The following RASSF3 variants were observed in gnomAD, a reference collection of about 807,000 sequenced individuals.
RASSF3 encodes ras association domain-containing protein 3.
In RASSF3, 19 loss-of-function variants were observed where a neutral mutation model predicts 19.9. The ratio of observed to expected loss-of-function variants is 0.96; its 90% CI spans 0.67 to 1.40. The LOEUF (loss-of-function observed/expected upper bound fraction) is 1.40. Ranked by LOEUF, RASSF3 falls within the 40% of genes most tolerant of loss-of-function variation. The pLI, the probability that RASSF3 is intolerant of heterozygous loss-of-function variation, is 0.00. For missense variants in RASSF3, 306 were observed against 289.8 expected (o/e 1.06, Z -0.41); for synonymous variants, 110 against 104.2 (o/e 1.06, Z -0.34).
intron 1 of RASSF3, chr12:64,541,480 G>C: frequency 2.5e-6 from 1 of 396,892 alleles, no homozygotes; most frequent in Non-Finnish European, 4.4e-6. Flanking sequence ...GTTGAATGCT[G>C]GCTTTTTGAG....
intron 2 of RASSF3, among the ~76,000 whole-genome samples, chr12:64,547,379 A>G (rs1488724149): frequency 1.3e-5 from 2 of 152,064 alleles, no homozygotes; most frequent in Admixed American, 1.3e-4. Context: ...CATCCTGGCC[A>G]ACATAATGAA....
At chr12:64,535,691 T>A (rs1868809634) in intron 1 of RASSF3, among the ~76,000 whole-genome samples, 1 of 142,248 alleles carries the variant, frequency 7.0e-6, no homozygotes, top group Non-Finnish European at 1.5e-5. Flanking sequence ...TGTTTTCACT[T>A]TTTTTTTTTT....
chr12:64,657,214 G>T (rs758686872), intron 1 of RASSF3, among the ~76,000 whole-genome samples: 3 of 152,024 alleles, frequency 2.0e-5, no homozygotes, highest in African/African-American at 4.8e-5. Context: ...GTTTCGCCAC[G>T]TGGGCCAGGA....
Position 64,516,963 on chromosome 12 carries a change from C to T in RASSF3, c.169+9634C>T, listed in dbSNP as rs909611038. 2.3e-5 allele frequency among the ~76,000 whole-genome samples: 3 copies of T among 129,666 alleles called. No homozygotes were observed. In the Admixed American group the frequency reaches 2.6e-4, roughly 11 times the overall value. The allele number at this position is 129,666 out of a possible 152,430, so 85.1% of individuals were successfully genotyped here. A position where few individuals can be genotyped will look rare whatever the true frequency, so the allele number is the denominator to read the frequency against. ...GCAGTGAGTCTAAATCGCACCATTG[C>T]ACTCCAGCCTGGGTGAGAAAGTGAA... On this transcript the variant is annotated intron_variant, in intron 1 of 5. Transcript: ENST00000637125.
chr12:64,685,706 A>G (rs1018067096), intron 2 of RASSF3, among the ~76,000 whole-genome samples: 3 of 152,230 alleles, frequency 2.0e-5, no homozygotes, highest in African/African-American at 4.8e-5. Flanking sequence ...AGGCTTCCAC[A>G]GCATTGTGCC....
chr12:64,565,468 TTTGG>T (rs2136127495), intron 2 of RASSF3, among the ~76,000 whole-genome samples: 2 of 152,218 alleles, frequency 1.3e-5, no homozygotes, highest in South Asian at 4.1e-4. Context: ...ATCCCAGCAC[TTTGG>T]GAGACCGAGG....
At position 64,652,130 on chromosome 12, in the gene RASSF3, C is replaced by T. The variant is rs984704300; in HGVS notation, c.112-32657C>T. On this transcript the variant is annotated intron_variant, in intron 1 of 4. Coordinates refer to ENST00000542104, the MANE Select transcript of RASSF3 (RefSeq NM_178169.4). Reference sequence around the variant, plus strand: ...TATTTTGCAATATATTGGTTATTTCCTTGTTGAATAGAGATGAGGAAGGAT... The same window carrying T: ...TATTTTGCAATATATTGGTTATTTCTTTGTTGAATAGAGATGAGGAAGGAT... 2.6e-5 allele frequency among the ~76,000 whole-genome samples: 4 copies of T among 152,030 alleles called. No homozygotes were observed. The South Asian group carries it at 8.3e-4, about 32-fold the overall frequency.
At chr12:64,640,894 G>A (rs1315746266) in intron 1 of RASSF3, among the ~76,000 whole-genome samples, 3 of 151,864 alleles carry the variant, frequency 2.0e-5, no homozygotes, top group Non-Finnish European at 4.4e-5. Context: ...CTCCCTCCTC[G>A]ACCTCCCAAA....
At chr12:64,602,505 C>G (rs1020934217) in intron 2 of RASSF3, among the ~76,000 whole-genome samples, 1 of 150,372 alleles carries the variant, frequency 6.7e-6, no homozygotes, top group Non-Finnish European at 1.5e-5. Context: ...TGCTTGAACC[C>G]GGGAGGCGGA....
chr12:64,591,147 A>C (rs931270109), intron 2 of RASSF3, among the ~76,000 whole-genome samples: 2 of 152,096 alleles, frequency 1.3e-5, no homozygotes, highest in African/African-American at 4.8e-5. Context: ...GAGTTATTAA[A>C]AGTGGGCAGC....
chr12:64,578,478 A>C (rs747294187), intron 2 of RASSF3, among the ~76,000 whole-genome samples: 1 of 152,018 alleles, frequency 6.6e-6, no homozygotes, highest in Non-Finnish European at 1.5e-5. Flanking sequence ...ATATAGCAAG[A>C]CCCTGTCTCT....
At chr12:64,689,195 C>T (rs1222872669) in intron 3 of RASSF3, among the ~76,000 whole-genome samples, 1 of 150,164 alleles carries the variant, frequency 6.7e-6, no homozygotes, top group Non-Finnish European at 1.5e-5. Flanking sequence ...GATTCAGTGA[C>T]TCACTACATG....
chr12:64,589,228 T>C (rs1487962708), intron 2 of RASSF3, among the ~76,000 whole-genome samples: 2 of 152,016 alleles, frequency 1.3e-5, no homozygotes, highest in African/African-American at 4.8e-5. Context: ...GGCGGGTAGA[T>C]TATTTGAGGT....
intron 2 of RASSF3, among the ~76,000 whole-genome samples, chr12:64,567,052 A>G (rs1869444131): frequency 6.6e-6 from 1 of 152,216 alleles, no homozygotes. Flanking sequence ...TGGTGGAGGA[A>G]GTAAAGGAGC....
At chr12:64,561,386 T>C (rs561507679) in intron 2 of RASSF3, among the ~76,000 whole-genome samples, 1 of 152,366 alleles carries the variant, frequency 6.6e-6, no homozygotes, top group African/African-American at 2.4e-5. Context: ...TGGACCATTT[T>C]ATTTTGTGTG....
chr12:64,599,949 G>A (rs1448309262), intron 2 of RASSF3, among the ~76,000 whole-genome samples: 3 of 150,078 alleles, frequency 2.0e-5, no homozygotes, highest in South Asian at 2.1e-4. Context: ...GGAGAATGGC[G>A]TGAACCCAGG....
At chr12:64,591,269 G>A (rs530979837) in intron 2 of RASSF3, among the ~76,000 whole-genome samples, 1 of 152,292 alleles carries the variant, frequency 6.6e-6, no homozygotes, top group South Asian at 2.1e-4. Flanking sequence ...GAGGTCAGGA[G>A]TTTGAGACCA....
intron 1 of RASSF3, among the ~76,000 whole-genome samples, chr12:64,652,746 T>A (rs2136191970): frequency 6.6e-6 from 1 of 152,356 alleles, no homozygotes; most frequent in African/African-American, 2.4e-5. Flanking sequence ...ATCACACTCT[T>A]ATTATTTTCT....
chr12:64,531,549 CA>C (rs1868709185), upstream of RASSF3, among the ~76,000 whole-genome samples: 1 of 152,158 alleles, frequency 6.6e-6, no homozygotes, highest in African/African-American at 2.4e-5. Flanking sequence ...CCAAAATGAA[CA>C]TTTTTTTAAC....
Sources: gnomAD v4.1 joint callset for allele counts (sites outside exome capture counted in the v4.1 genomes callset) on GRCh38, gnomAD v4.1.1 for gene constraint, MANE v1.5 for transcripts, NCBI Gene and HGNC (gene_info 2026-07-23, HGNC 2026-07-21) for gene names.